The following MEI4 variants were observed in gnomAD, a reference collection of about 807,000 sequenced individuals.
MEI4 encodes meiotic double-stranded break formation protein 4, also known as meiosis-specific protein MEI4.
MEI4 carries 27 observed loss-of-function variants against 31.4 expected under a neutral mutation model. The ratio of observed to expected loss-of-function variants is 0.86; its 90% CI spans 0.63 to 1.19. The LOEUF (loss-of-function observed/expected upper bound fraction) is 1.19. Among genes scored for constraint, MEI4 ranks in the 50% most tolerant of loss-of-function variants. The pLI is 0.00. For missense variants in MEI4, 329 were observed against 398.9 expected, an observed-to-expected ratio of 0.82 and a Z score of 1.49; for synonymous variants, 122 against 145.4, an observed-to-expected ratio of 0.84 and a Z score of 1.16.
chr6:77,846,938 A>G lies in MEI4; in HGVS notation c.900+17876A>G, dbSNP rs143458561. On this transcript the variant is annotated intron_variant, in intron 4 of 4. Coordinates refer to ENST00000684080, the MANE Select transcript of MEI4 (RefSeq NM_001322247.2). Reference sequence around the variant, plus strand: ...TTTAGGCTGTGCATTACATTTCTCAATGCAGCTCAGTCAGCCTCTCACTTA... The same window carrying G: ...TTTAGGCTGTGCATTACATTTCTCAGTGCAGCTCAGTCAGCCTCTCACTTA... Among the ~76,000 whole-genome samples, 35 of 152,262 alleles carry G rather than the reference A, an allele frequency of 2.3e-4. No individual in the cohort carries two copies. In the East Asian group the frequency reaches 6.8e-3, roughly 29 times the overall value.
intron 1 of MEI4, among the ~76,000 whole-genome samples, chr6:77,676,275 C>T (rs561249324): frequency 1.3e-5 from 2 of 151,902 alleles, no homozygotes; most frequent in Admixed American, 6.6e-5. Context: ...TGTAGTTGTA[C>T]TTTACTATGA....
At chr6:77,728,539 G>T (rs903723801) in intron 2 of MEI4, among the ~76,000 whole-genome samples, 1 of 152,166 alleles carries the variant, frequency 6.6e-6, no homozygotes, top group African/African-American at 2.4e-5. Flanking sequence ...ACATTAAAAA[G>T]TAAACCTGTA....
At chr6:77,894,641 TA>T (rs1233748029) in intron 4 of MEI4, among the ~76,000 whole-genome samples, 1 of 152,180 alleles carries the variant, frequency 6.6e-6, no homozygotes, top group Non-Finnish European at 1.5e-5. Flanking sequence ...CTGAGGCTGA[TA>T]AAATTTGCTT....
chr6:77,806,559 G>T (rs1194244044), intron 3 of MEI4, among the ~76,000 whole-genome samples: 2 of 152,136 alleles, frequency 1.3e-5, no homozygotes, highest in East Asian at 3.9e-4. Flanking sequence ...ACTTGTTCTG[G>T]TTATTGGAAT....
intron 2 of MEI4, among the ~76,000 whole-genome samples, chr6:77,734,734 G>A (rs1005596833): frequency 6.6e-6 from 1 of 151,862 alleles, no homozygotes; most frequent in Non-Finnish European, 1.5e-5. Flanking sequence ...TAGTCTCGAT[G>A]GTCTTTACCT....
At chr6:77,886,859 G>A (rs1430034173) in intron 4 of MEI4, among the ~76,000 whole-genome samples, 2 of 151,428 alleles carry the variant, frequency 1.3e-5, no homozygotes, top group Non-Finnish European at 2.9e-5. Flanking sequence ...TTCTTTTTTG[G>A]TTGCCCAGCT....
intron 4 of MEI4, among the ~76,000 whole-genome samples, chr6:77,859,837 C>G (rs1226416589): frequency 1.3e-5 from 2 of 152,170 alleles, no homozygotes; most frequent in Non-Finnish European, 2.9e-5. Context: ...AGATGAAGCT[C>G]TGTCCACCTG....
chr6:77,817,422 T>A (rs1488358993), intron 3 of MEI4, among the ~76,000 whole-genome samples: 1 of 152,062 alleles, frequency 6.6e-6, no homozygotes, highest in Non-Finnish European at 1.5e-5. Flanking sequence ...CTTAGGGAGA[T>A]CTTTATGTTT....
chr6:77,776,819 C>G (rs1232949192), intron 3 of MEI4, among the ~76,000 whole-genome samples: 1 of 152,054 alleles, frequency 6.6e-6, no homozygotes. Context: ...TAGGTCATGG[C>G]AAGGAGTTTG....
At chr6:77,892,171 T>C (rs528421997) in intron 4 of MEI4, among the ~76,000 whole-genome samples, 182 of 152,096 alleles carry the variant, frequency 1.2e-3, no homozygotes, top group African/African-American at 4.3e-3. Context: ...ACATAGTGGG[T>C]GTGGTGGTGG....
intron 2 of MEI4, among the ~76,000 whole-genome samples, chr6:77,720,836 TTC>T (rs1766693463): frequency 1.8e-5 from 1 of 55,022 alleles, no homozygotes; most frequent in Non-Finnish European, 3.5e-5. Flanking sequence ...AATGGGAAAT[TTC>T]TTTTTCTTAC....
In MEI4 at chr6:77,699,541, G is replaced by C. The variant is rs9443456; in HGVS notation, c.232+8638G>C. On this transcript the variant is annotated intron_variant, in intron 2 of 4. Coordinates refer to ENST00000684080, the MANE Select transcript of MEI4 (RefSeq NM_001322247.2). Reference sequence around the variant, plus strand: ...TGGTTTGAATTTCCTCCTCTAGCTCGGAGTGGTTTGATCGTCTGAAGCCTT... The same window carrying C: ...TGGTTTGAATTTCCTCCTCTAGCTCCGAGTGGTTTGATCGTCTGAAGCCTT... Among the ~76,000 whole-genome samples the C allele has an allele frequency of 6.9e-3, 1,055 of 152,192 alleles. 13 individuals carry two copies. The highest frequency in any genetic ancestry group is 0.024 in the African/African-American group (995 of 41,514).
intron 3 of MEI4, among the ~76,000 whole-genome samples, chr6:77,814,412 G>A (rs2127705931): frequency 6.6e-6 from 1 of 152,162 alleles, no homozygotes; most frequent in Non-Finnish European, 1.5e-5. Flanking sequence ...GCTATGCTGT[G>A]GCTCAGCTAA....
intron 4 of MEI4, among the ~76,000 whole-genome samples, chr6:77,848,181 G>A (rs1441786246): frequency 2.0e-5 from 3 of 152,200 alleles, no homozygotes; most frequent in East Asian, 1.9e-4. Flanking sequence ...GCCTACTGGT[G>A]TCCTGGGATT....
At chr6:77,808,562 A>G (rs1476692870) in intron 3 of MEI4, among the ~76,000 whole-genome samples, 1 of 152,164 alleles carries the variant, frequency 6.6e-6, no homozygotes, top group South Asian at 2.1e-4. Context: ...TTAGTCTGGT[A>G]TTTTAATGTT....
At chr6:77,878,690 C>T (rs561162708) in intron 4 of MEI4, among the ~76,000 whole-genome samples, 2 of 152,066 alleles carry the variant, frequency 1.3e-5, no homozygotes, top group African/African-American at 4.8e-5. Flanking sequence ...TAACAGATAA[C>T]ACAAACCGCT....
intron 2 of MEI4, among the ~76,000 whole-genome samples, chr6:77,747,772 A>G (rs934654729): frequency 2.0e-5 from 3 of 152,198 alleles, no homozygotes; most frequent in African/African-American, 7.2e-5. Context: ...TAGCATTACT[A>G]AAAAATTCAC....
At chr6:77,716,418 T>G (rs754345431) in intron 2 of MEI4, among the ~76,000 whole-genome samples, 1 of 152,126 alleles carries the variant, frequency 6.6e-6, no homozygotes, top group African/African-American at 2.4e-5. Flanking sequence ...TAGAATTACC[T>G]GTGTGCTTGA....
At chr6:77,789,828 A>G (rs919311544) in intron 3 of MEI4, among the ~76,000 whole-genome samples, 1 of 152,206 alleles carries the variant, frequency 6.6e-6, no homozygotes, top group African/African-American at 2.4e-5. Context: ...TATTTCAACC[A>G]TAGTGGAAGT....
Sources: allele counts gnomAD v4.1 joint callset (sites outside exome capture counted in the v4.1 genomes callset), GRCh38; gene constraint gnomAD v4.1.1; transcripts MANE v1.5; gene names NCBI Gene and HGNC (gene_info 2026-07-23, HGNC 2026-07-21).